Variants in PLCL1 observed in about 807,000 individuals in gnomAD.
PLCL1 encodes the protein inactive phospholipase C-like protein 1.
In PLCL1, 41 loss-of-function variants were observed where a neutral mutation model predicts 84.4. That is an observed-to-expected ratio of 0.49 (90% CI 0.38 to 0.63). The LOEUF (loss-of-function observed/expected upper bound fraction) is 0.63. Among genes scored for constraint, PLCL1 ranks in the 30% least tolerant of loss-of-function variants. The probability of loss-of-function intolerance (pLI) is 0.00; values close to 1 mark genes in which losing one functional copy is unlikely to be tolerated. For missense variants in PLCL1, 1,206 were observed against 1,367.8 expected, an observed-to-expected ratio of 0.88 and a Z score of 1.87; for synonymous variants, 490 against 488.3, an observed-to-expected ratio of 1.00 and a Z score of -0.05.
intron 1 of PLCL1, among the ~76,000 whole-genome samples, chr2:197,924,124 G>A (rs1314645027): frequency 6.9e-6 from 1 of 144,272 alleles, no homozygotes; most frequent in Non-Finnish European, 1.5e-5. Context: ...CTCCGCATGA[G>A]AGGGAGACCG....
chr2:197,915,128 AG>A (rs1357463656), intron 1 of PLCL1, among the ~76,000 whole-genome samples: 3 of 152,226 alleles, frequency 2.0e-5, no homozygotes, highest in African/African-American at 7.2e-5. Flanking sequence ...TTTGCAGCTC[AG>A]GTAAGAACAA....
At chr2:197,858,871 G>A (rs562415024) in intron 1 of PLCL1, among the ~76,000 whole-genome samples, 1 of 152,204 alleles carries the variant, frequency 6.6e-6, no homozygotes, top group East Asian at 1.9e-4. Context: ...GAGAGTAGGT[G>A]ATCTAAGATG....
At chr2:198,070,777 G>C (rs568157450) in intron 1 of PLCL1, among the ~76,000 whole-genome samples, 6 of 151,966 alleles carry the variant, frequency 3.9e-5, no homozygotes, top group Admixed American at 3.9e-4. Context: ...GCTTAAAAAA[G>C]ATGGATGTCA....
chr2:197,912,828 C>A (rs1450842336), intron 1 of PLCL1, among the ~76,000 whole-genome samples: 8 of 129,762 alleles, frequency 6.2e-5, no homozygotes, highest in African/African-American at 2.1e-4. Flanking sequence ...GGAGGGATAG[C>A]ATTGGGAGAT....
intron 1 of PLCL1, among the ~76,000 whole-genome samples, chr2:197,850,021 G>GACAC (rs1198403874): frequency 2.1e-5 from 2 of 93,234 alleles, no homozygotes; most frequent in South Asian, 3.4e-4. Flanking sequence ...CAGACACACA[G>GACAC]ACACACACAG....
At chr2:197,910,996 A>G (rs970477416) in intron 1 of PLCL1, among the ~76,000 whole-genome samples, 8 of 152,230 alleles carry the variant, frequency 5.3e-5, no homozygotes, top group African/African-American at 1.9e-4. Context: ...ACACATTGTG[A>G]AATGAATCAC....
intron 1 of PLCL1, among the ~76,000 whole-genome samples, chr2:197,929,029 T>C (rs1303708993): frequency 1.3e-5 from 2 of 152,222 alleles, no homozygotes; most frequent in Non-Finnish European, 1.5e-5. Context: ...AGCATTGGCA[T>C]GTGTCACTTA....
At position 197,956,829 on chromosome 2, in the gene PLCL1, C is replaced by T. The variant is rs1390782492; in HGVS notation, c.241-126929C>T. ...TAAATTCTGGATATTAGACCTTTGT[C>T]AGATGGGTAGATTGCAAAAATTTTC... On this transcript the variant is annotated intron_variant, in intron 1 of 5. Coordinates refer to ENST00000428675, the MANE Select transcript of PLCL1 (RefSeq NM_006226.4). Among the ~76,000 whole-genome samples the T allele has an allele frequency of 2.0e-5, 3 of 151,942 alleles. No homozygotes were observed. The East Asian group carries it at 5.8e-4, about 29-fold the overall frequency.
chr2:198,029,998 C>T (rs1054361626), intron 1 of PLCL1, among the ~76,000 whole-genome samples: 1 of 151,950 alleles, frequency 6.6e-6, no homozygotes, highest in African/African-American at 2.4e-5. Flanking sequence ...CAGTGCCAGG[C>T]CTTTCTTTCT....
chr2:198,086,266 C>T (rs1692879576), intron 2 of PLCL1, 34 bp downstream of exon 2: 4 of 1,323,664 alleles, frequency 3.0e-6, no homozygotes, highest in African/African-American at 2.9e-5. Flanking sequence ...CTTCCCTATC[C>T]CTGCTTATTC....
chr2:197,850,020 A>G (rs1440037114), intron 1 of PLCL1, among the ~76,000 whole-genome samples: 1 of 128,342 alleles, frequency 7.8e-6, no homozygotes, highest in Non-Finnish European at 1.6e-5. Flanking sequence ...ACAGACACAC[A>G]GACACACACA....
intron 1 of PLCL1, among the ~76,000 whole-genome samples, chr2:197,983,917 C>A (rs186305782): frequency 6.6e-6 from 1 of 152,280 alleles, no homozygotes; most frequent in African/African-American, 2.4e-5. Context: ...TGGAACCCAG[C>A]AGCCTCTAGT....
chr2:197,920,708 A>G (rs577982032), intron 1 of PLCL1, among the ~76,000 whole-genome samples: 1 of 152,360 alleles, frequency 6.6e-6, no homozygotes, highest in Non-Finnish European at 1.5e-5. Flanking sequence ...TCTGAAGAAT[A>G]TATATAGAAC....
chr2:198,078,129 T>C (rs1574294127), intron 1 of PLCL1, among the ~76,000 whole-genome samples: 1 of 152,304 alleles, frequency 6.6e-6, no homozygotes. Context: ...GTTTTGTCCG[T>C]ATCAAATCCC....
chr2:197,996,072 C>T (rs765725061), intron 1 of PLCL1, among the ~76,000 whole-genome samples: 3 of 151,658 alleles, frequency 2.0e-5, no homozygotes, highest in Non-Finnish European at 2.9e-5. Context: ...TGTGAAGAGA[C>T]GGGGCATTGG....
At chr2:198,043,025 G>C (rs2105860892) in intron 1 of PLCL1, among the ~76,000 whole-genome samples, 1 of 152,294 alleles carries the variant, frequency 6.6e-6, no homozygotes, top group Admixed American at 6.5e-5. Flanking sequence ...ATTTCCAAGA[G>C]AGGATATATT....
chr2:198,081,081 C>T (rs558063885), intron 1 of PLCL1, among the ~76,000 whole-genome samples: 71 of 152,152 alleles, frequency 4.7e-4, no homozygotes, highest in Non-Finnish European at 8.5e-4. Context: ...AGTAGCAGGG[C>T]GATAGACTGT....
At chr2:198,020,852 TAGC>T (rs1170775401) in intron 1 of PLCL1, among the ~76,000 whole-genome samples, 2 of 152,060 alleles carry the variant, frequency 1.3e-5, no homozygotes, top group Non-Finnish European at 2.9e-5. Flanking sequence ...GGCAGAAAAT[TAGC>T]AAGAATATTC....
rs550340406 is a variant in PLCL1, at chr2:198,034,239, G to A, written c.241-49519G>A. On this transcript the variant is annotated intron_variant, in intron 1 of 5. Transcript: ENST00000428675. ...AGTTCCCACCTATGAGTGAGAACAT[G>A]CGATGTTTGGTTTTTTGTCTTTGCG... Among the ~76,000 whole-genome samples the A allele has an allele frequency of 2.1e-4, 32 of 151,618 alleles. 1 individual carries two copies. The highest frequency in any genetic ancestry group is 7.7e-4 in the African/African-American group (32 of 41,324).
Sources: allele counts gnomAD v4.1 joint callset (sites outside exome capture counted in the v4.1 genomes callset), GRCh38; gene constraint gnomAD v4.1.1; transcripts MANE v1.5; gene names NCBI Gene and HGNC (gene_info 2026-07-23, HGNC 2026-07-21).